JPH1: variants seen among roughly 807,000 people sequenced by gnomAD.
JPH1 encodes junctophilin 1.
JPH1 carries 12 observed loss-of-function variants against 53.6 expected under a neutral mutation model. The ratio of observed to expected loss-of-function variants is 0.22; its 90% confidence interval spans 0.14 to 0.36. The LOEUF (loss-of-function observed/expected upper bound fraction) is 0.36. Ranked by LOEUF, JPH1 falls within the 10% of genes least tolerant of loss-of-function variation. The pLI, the probability that JPH1 is intolerant of heterozygous loss-of-function variation, is 1.00. For missense variants in JPH1, 808 were observed against 905.5 expected (o/e 0.89, Z 1.38); for synonymous variants, 375 against 363.8 (o/e 1.03, Z -0.35).
At chr8:74,311,818 A>G (rs1164476671) in intron 2 of JPH1, among the ~76,000 whole-genome samples, 1 of 151,738 alleles carries the variant, frequency 6.6e-6, no homozygotes. Flanking sequence ...ATGAGTTCCA[A>G]TTTCATCCAT....
At chr8:74,243,005 C>T (rs752340432) in intron 4 of JPH1, among the ~76,000 whole-genome samples, 22 of 152,122 alleles carry the variant, frequency 1.4e-4, no homozygotes, top group Admixed American at 3.9e-4. Flanking sequence ...ATGTATAGGA[C>T]GCTGGGGCAT....
intron 4 of JPH1, among the ~76,000 whole-genome samples, chr8:74,243,285 A>G (rs1455286196): frequency 1.3e-5 from 2 of 152,352 alleles, no homozygotes; most frequent in African/African-American, 4.8e-5. Context: ...TTTAAAATGA[A>G]TGCTTACTGA....
intron 3 of JPH1, among the ~76,000 whole-genome samples, chr8:74,254,548 A>G (rs1487594546): frequency 6.6e-6 from 1 of 152,086 alleles, no homozygotes; most frequent in African/African-American, 2.4e-5. Context: ...GGCCAGGGCA[A>G]TCAGGCAGGA....
chr8:74,302,415 T>G (rs116117292), intron 2 of JPH1, among the ~76,000 whole-genome samples: 1 of 152,208 alleles, frequency 6.6e-6, no homozygotes, highest in Non-Finnish European at 1.5e-5. Flanking sequence ...AAATAATTTT[T>G]TAAACTTTTT....
At chr8:74,287,732 A>C (rs1399645625) in intron 2 of JPH1, among the ~76,000 whole-genome samples, 1 of 151,930 alleles carries the variant, frequency 6.6e-6, no homozygotes, top group Non-Finnish European at 1.5e-5. Flanking sequence ...CCACTCAGTG[A>C]CGTGAAATTT....
intron 2 of JPH1, among the ~76,000 whole-genome samples, chr8:74,265,038 T>A (rs1282071937): frequency 6.6e-6 from 1 of 152,208 alleles, no homozygotes; most frequent in Non-Finnish European, 1.5e-5. Flanking sequence ...TCTAATCACA[T>A]GACTCTATTT....
rs1016609846 is a variant in JPH1, at chr8:74,236,341, G to A, written c.*710C>T. ...CTTTTCCTTGAGATGCAACACGTGT[G>A]TTTCGTCCGGCCAGGACCGCAGGTG... On this transcript the variant is annotated 3_prime_UTR_variant, in exon 6 of 6. Coordinates refer to ENST00000342232, the MANE Select transcript of JPH1 (RefSeq NM_020647.4). The A allele has an allele frequency of 2.6e-5, 4 of 152,300 alleles. No homozygotes were observed. The highest frequency in any genetic ancestry group is 2.0e-4 in the Admixed American group (3 of 15,274). The allele number at this position is 152,300 out of a possible 1,614,324, so 9.4% of individuals were successfully genotyped here. A position where few individuals can be genotyped will look rare whatever the true frequency, so the allele number is the denominator to read the frequency against.
intron 2 of JPH1, among the ~76,000 whole-genome samples, chr8:74,309,888 T>C (rs1395567440): frequency 2.0e-5 from 3 of 152,204 alleles, no homozygotes; most frequent in Non-Finnish European, 4.4e-5. Context: ...AATTGGGGAC[T>C]TTCTGTCTCC....
chr8:74,239,635 A>G (rs1406000239), intron 4 of JPH1, among the ~76,000 whole-genome samples: 1 of 152,302 alleles, frequency 6.6e-6, no homozygotes, highest in East Asian at 1.9e-4. Flanking sequence ...GAGCACAGAG[A>G]TTAAGGAAAT....
At chr8:74,270,144 G>A (rs1268102307) in intron 2 of JPH1, among the ~76,000 whole-genome samples, 1 of 151,974 alleles carries the variant, frequency 6.6e-6, no homozygotes, top group Non-Finnish European at 1.5e-5. Context: ...CACAGTTTAG[G>A]AAACATCTTA....
At chr8:74,258,079 G>A (rs545651564) in intron 3 of JPH1, among the ~76,000 whole-genome samples, 11 of 152,124 alleles carry the variant, frequency 7.2e-5, no homozygotes, top group African/African-American at 1.9e-4. Context: ...TACATCGTTC[G>A]TTAGGACTCA....
At chr8:74,254,644 C>T (rs1806164153) in intron 3 of JPH1, among the ~76,000 whole-genome samples, 1 of 152,026 alleles carries the variant, frequency 6.6e-6, no homozygotes, top group South Asian at 2.1e-4. Context: ...TCTAGAAAAC[C>T]CCACTGTCTC....
intron 3 of JPH1, among the ~76,000 whole-genome samples, chr8:74,257,038 C>T (rs1404272234): frequency 6.6e-6 from 1 of 152,146 alleles, no homozygotes; most frequent in African/African-American, 2.4e-5. Context: ...CTGATTTGCT[C>T]ACCCTGTAAA....
intron 2 of JPH1, among the ~76,000 whole-genome samples, chr8:74,297,933 C>T (rs983427831): frequency 2.6e-5 from 4 of 152,142 alleles, no homozygotes; most frequent in Non-Finnish European, 5.9e-5. Context: ...AACAATTGAA[C>T]CTTGTCTAGC....
At chr8:74,250,403 G>T (rs1019316620) in intron 3 of JPH1, among the ~76,000 whole-genome samples, 5 of 152,194 alleles carry the variant, frequency 3.3e-5, no homozygotes, top group African/African-American at 1.2e-4. Context: ...AGAGTGCTGG[G>T]ATTACAGGCA....
In JPH1 at chr8:74,311,567, A is replaced by C. The variant is rs763109651; in HGVS notation, c.1139+3294T>G. ...TTTAAGTTTTAGGGTATATGTACAC[A>C]ATGTGCAGGTTAGTTACATACATAT... On this transcript the variant is annotated intron_variant, in intron 2 of 5. Transcript: ENST00000342232. Among the ~76,000 whole-genome samples, 361 of 152,146 alleles carry C rather than the reference A, an allele frequency of 2.4e-3. 2 individuals carry two copies. Among genetic ancestry groups the C allele is most frequent in the Non-Finnish European group, 4.3e-3 (294 of 68,000 alleles).
chr8:74,279,701 C>T (rs964584140), intron 2 of JPH1, among the ~76,000 whole-genome samples: 3 of 152,198 alleles, frequency 2.0e-5, no homozygotes, highest in Non-Finnish European at 2.9e-5. Context: ...ATTCTCTCCC[C>T]TTGCTATAAA....
chr8:74,261,864 T>C (rs2131396311), intron 2 of JPH1, among the ~76,000 whole-genome samples: 1 of 152,308 alleles, frequency 6.6e-6, no homozygotes, highest in Middle Eastern at 3.4e-3. Flanking sequence ...AGTAACTTAT[T>C]CGGATTCAAT....
chr8:74,269,904 T>C (rs1806648074), intron 2 of JPH1, among the ~76,000 whole-genome samples: 1 of 152,264 alleles, frequency 6.6e-6, no homozygotes. Context: ...AACATTTTAT[T>C]ATCATCTAGC....
Sources: allele counts gnomAD v4.1 joint callset (sites outside exome capture counted in the v4.1 genomes callset), GRCh38; gene constraint gnomAD v4.1.1; transcripts MANE v1.5; gene names NCBI Gene and HGNC (gene_info 2026-07-23, HGNC 2026-07-21).